HS6ST1: variants seen among roughly 807,000 people sequenced by gnomAD.
HS6ST1 encodes the protein heparan-sulfate 6-O-sulfotransferase 1.
A neutral mutation model predicts 25.2 loss-of-function variants in HS6ST1; 3 were observed. The ratio of observed to expected loss-of-function variants is 0.12; its 90% CI spans 0.05 to 0.31. The LOEUF (loss-of-function observed/expected upper bound fraction) is 0.31. HS6ST1 is among the 10% of genes least tolerant of loss of function. HS6ST1 has a pLI of 1.00. For missense variants in HS6ST1, 310 were observed against 609.6 expected (o/e 0.51, Z 5.18); for synonymous variants, 204 against 275.1 (o/e 0.74, Z 2.56).
intron 1 of HS6ST1, among the ~76,000 whole-genome samples, chr2:128,309,318 T>C (rs1312455901): frequency 6.6e-6 from 1 of 152,232 alleles, no homozygotes; most frequent in Non-Finnish European, 1.5e-5. Context: ...GGTTGAATGT[T>C]CCCAACTTCT....
intron 1 of HS6ST1, among the ~76,000 whole-genome samples, chr2:128,295,869 T>C (rs942706334): frequency 6.6e-6 from 1 of 152,098 alleles, no homozygotes; most frequent in Non-Finnish European, 1.5e-5. Context: ...ACTACCTCAG[T>C]GTAATAAAGG....
intron 1 of HS6ST1, among the ~76,000 whole-genome samples, chr2:128,292,190 G>A (rs1558875124): frequency 6.6e-6 from 1 of 152,354 alleles, no homozygotes; most frequent in African/African-American, 2.4e-5. Flanking sequence ...CAGTGCCACA[G>A]AGACCACCTG....
chr2:128,283,426 C>A (rs1183018481), intron 1 of HS6ST1, among the ~76,000 whole-genome samples: 1 of 152,234 alleles, frequency 6.6e-6, no homozygotes, highest in Non-Finnish European at 1.5e-5. Context: ...ATCCCAGTGA[C>A]CCCCTGGCAG....
chr2:128,308,577 A>G (rs1039338504), intron 1 of HS6ST1, among the ~76,000 whole-genome samples: 12 of 152,202 alleles, frequency 7.9e-5, no homozygotes, highest in African/African-American at 2.9e-4. Flanking sequence ...CAGTCTCTAC[A>G]TCCTGGCTGC....
In HS6ST1 at chr2:128,268,056, A is replaced by G; in HGVS notation, c.*106T>C. The G allele has an allele frequency of 1.3e-6, 1 of 767,454 alleles. No individual in the cohort carries two copies. 47.5% of individuals were successfully genotyped at this position (767,454 alleles called of 1,614,324 possible). On this transcript the variant is annotated 3_prime_UTR_variant, in exon 2 of 2. Transcript: ENST00000259241. The stretch of plus-strand genomic sequence containing the variant: ...TTTCAGGACGCAGCTACCTCTGTGG[A>G]GCAGGTTTGGGATGCTCATCCCTTG...
At chr2:128,290,817 CAAAAAAAAAAAA>C (rs57754041) in intron 1 of HS6ST1, among the ~76,000 whole-genome samples, 1 of 60,544 alleles carries the variant, frequency 1.7e-5, no homozygotes, top group East Asian at 6.5e-4. Flanking sequence ...ACTAAAAATA[CAAAAAAAAAAAA>C]AAAAAAAAAA....
chr2:128,280,526 C>T (rs1467964400), intron 1 of HS6ST1, among the ~76,000 whole-genome samples: 1 of 152,214 alleles, frequency 6.6e-6, no homozygotes, highest in Non-Finnish European at 1.5e-5. Flanking sequence ...AGCACCAGGC[C>T]TGGCTTGGCC....
intron 1 of HS6ST1, among the ~76,000 whole-genome samples, chr2:128,309,725 G>A (rs1694260847): frequency 6.6e-6 from 1 of 152,240 alleles, no homozygotes; most frequent in Admixed American, 6.5e-5. Flanking sequence ...GTCACGTGTG[G>A]CCTTCAAAGG....
chr2:128,268,226 T>C lies in HS6ST1; in HGVS notation c.1172A>G (p.Asp391Gly). ...HRAKEALPREDADEPGRVPTE... is the reference protein window; with the variant it reads ...HRAKEALPREGADEPGRVPTE... ...GGGCACGCGGCCCGGCTCGTCGGCA[T>C]CCTCCCGCGGCAGTGCCTCCTTGGC... The change falls in exon 2 of 2, where the codon GAT becomes GGT. Residue 391 changes from aspartate to glycine, a missense_variant. Asp to Gly is a moderately conservative substitution (Grantham distance 94). This residue lies in a region of HS6ST1 where 140 missense variants were observed against 176.5 expected (regional missense o/e 0.79). Transcript: ENST00000259241. The C allele has an allele frequency of 1.2e-6, 2 of 1,610,388 alleles. No homozygotes were observed. The highest frequency in any genetic ancestry group is 1.1e-5 in the South Asian group (1 of 90,964).
chr2:128,313,742 ACTCTCTGGGACTGGG>A (rs1340000514), intron 1 of HS6ST1, among the ~76,000 whole-genome samples: 6 of 151,754 alleles, frequency 4.0e-5, no homozygotes, highest in Admixed American at 3.9e-4. Flanking sequence ...TGGGCACTGC[ACTCTCTGGGACTGGG>A]CTCTCTGATC....
chr2:128,295,013 T>G (rs1453985474), intron 1 of HS6ST1, among the ~76,000 whole-genome samples: 1 of 152,158 alleles, frequency 6.6e-6, no homozygotes, highest in Admixed American at 6.5e-5. Context: ...TTTTCCTGTG[T>G]GGCAAGGCAG....
Position 128,285,192 on chromosome 2 carries a change from G to A in HS6ST1, c.528-16322C>T, listed in dbSNP as rs141063260. Among the ~76,000 whole-genome samples, 529 of 152,352 alleles carry A rather than the reference G, an allele frequency of 3.5e-3. 3 individuals carry two copies. The highest frequency in any genetic ancestry group is 0.011 in the African/African-American group (473 of 41,580). Reference sequence around the variant, plus strand: ...CCAGTAAGGGAAATGAGTGTTCCACGCTCTCTGGGTTCTACCCTTCTTCTT... The same window carrying A: ...CCAGTAAGGGAAATGAGTGTTCCACACTCTCTGGGTTCTACCCTTCTTCTT... On this transcript the variant is annotated intron_variant, in intron 1 of 1. Transcript: ENST00000259241.
At chr2:128,303,828 G>C (rs2104932422) in intron 1 of HS6ST1, among the ~76,000 whole-genome samples, 1 of 152,358 alleles carries the variant, frequency 6.6e-6, no homozygotes, top group East Asian at 1.9e-4. Flanking sequence ...AAGATTGCTG[G>C]TAAAGCTTTG....
intron 1 of HS6ST1, among the ~76,000 whole-genome samples, chr2:128,304,063 C>G (rs552177520): frequency 6.6e-6 from 1 of 152,344 alleles, no homozygotes; most frequent in South Asian, 2.1e-4. Flanking sequence ...GGACCTAACA[C>G]CACAGCCCCC....
In HS6ST1 at chr2:128,296,064, A is replaced by G. The variant is rs142535668; in HGVS notation, c.527+21973T>C. 2.9e-3 allele frequency among the ~76,000 whole-genome samples: 439 copies of G among 152,324 alleles called. 3 individuals are homozygous for G. Among genetic ancestry groups the G allele is most frequent in the Admixed American group, 5.4e-3 (82 of 15,286 alleles). On this transcript the variant is annotated intron_variant, in intron 1 of 1. Transcript: ENST00000259241. Reference sequence around the variant, plus strand: ...AGAGATGATTTCTTCTCTCTTGGCCATGGGAGATGCAGGGGATACAAGACA... The same window carrying G: ...AGAGATGATTTCTTCTCTCTTGGCCGTGGGAGATGCAGGGGATACAAGACA...
chr2:128,277,385 C>A (rs1007305077), intron 1 of HS6ST1, among the ~76,000 whole-genome samples: 1 of 152,216 alleles, frequency 6.6e-6, no homozygotes, highest in African/African-American at 2.4e-5. Context: ...GGGCTCCCAG[C>A]GTTCACCCCT....
At chr2:128,293,268 C>T (rs1261096432) in intron 1 of HS6ST1, among the ~76,000 whole-genome samples, 2 of 152,272 alleles carry the variant, frequency 1.3e-5, no homozygotes, top group Non-Finnish European at 1.5e-5. Context: ...CTTTTCTCCT[C>T]TTCTGGCCTG....
intron 1 of HS6ST1, among the ~76,000 whole-genome samples, chr2:128,276,024 C>A (rs17793878): frequency 0.076 from 11,501 of 152,312 alleles, 576 homozygotes; most frequent in Non-Finnish European, 0.1. Flanking sequence ...ACGAAGAAGG[C>A]ACTGCACATC....
chr2:128,301,327 C>G (rs1484325127), intron 1 of HS6ST1, among the ~76,000 whole-genome samples: 1 of 152,170 alleles, frequency 6.6e-6, no homozygotes, highest in African/African-American at 2.4e-5. Flanking sequence ...CTCCTGCGCC[C>G]TGTGTGTCAG....
Sources: gnomAD v4.1 joint callset for allele counts (sites outside exome capture counted in the v4.1 genomes callset) on GRCh38, gnomAD v4.1.1 for gene constraint, gnomAD v4.1.1 regional missense constraint, MANE v1.5 for transcripts, NCBI Gene and HGNC (gene_info 2026-07-23, HGNC 2026-07-21) for gene names.